DPP8: variants seen among roughly 807,000 people sequenced by gnomAD.
DPP8 encodes DPP VIII.
A neutral mutation model predicts 107.5 loss-of-function variants in DPP8; 31 were observed. The observed-to-expected ratio is 0.29, with a 90% CI of 0.22 to 0.39. DPP8 has a LOEUF of 0.39. DPP8 is among the 10% of genes least tolerant of loss of function. The probability of loss-of-function intolerance (pLI) is 1.00; values close to 1 mark genes in which losing one functional copy is unlikely to be tolerated. For synonymous variants in DPP8, 381 were observed against 356.6 expected (o/e 1.07, Z -0.77); for missense variants, 842 against 1,076.1 (o/e 0.78, Z 3.04).
In DPP8 at chr15:65,512,669, A is replaced by G. The variant is rs1381101716; in HGVS notation, c.-11-105T>C. ...AAGCGGGGGAGTGGGGAGGGCAAGA[A>G]AAAAATGCTTTTTAGCACAGCTGCA... On this transcript the variant is annotated intron_variant, in intron 1 of 19. Coordinates refer to ENST00000300141, the MANE Select transcript of DPP8 (RefSeq NM_130434.5). The G allele has an allele frequency of 4.0e-6, 5 of 1,255,812 alleles. No individual in the cohort carries two copies. The African/African-American group carries it at 7.5e-5, about 19-fold the overall frequency. 77.8% of individuals were successfully genotyped at this position (1,255,812 alleles called of 1,614,324 possible).
intron 3 of DPP8, among the ~76,000 whole-genome samples, chr15:65,504,117 C>G (rs1055796835): frequency 6.6e-6 from 1 of 151,758 alleles, no homozygotes; most frequent in African/African-American, 2.4e-5. Context: ...AATCCCAGCA[C>G]TCAGGGAGGC....
At chr15:65,510,583 G>A (rs998971292) in intron 2 of DPP8, among the ~76,000 whole-genome samples, 1 of 151,796 alleles carries the variant, frequency 6.6e-6, no homozygotes, top group African/African-American at 2.4e-5. Flanking sequence ...CTGTCATCCA[G>A]GCTGGAGTGC....
chr15:65,450,960 T>A (rs1355991519), intron 19 of DPP8, 39 bp downstream of exon 19: 1 of 1,235,726 alleles, frequency 8.1e-7, no homozygotes, highest in African/African-American at 1.5e-5. Flanking sequence ...CAATCACTAA[T>A]CATGACTGCA....
chr15:65,466,609 A>G, intron 14 of DPP8, 69 bp downstream of exon 14: 2 of 1,387,948 alleles, frequency 1.4e-6, no homozygotes, highest in South Asian at 2.4e-5. Context: ...ATGTGAAAAT[A>G]TGACACACGT....
Position 65,478,311 on chromosome 15 carries a change from T to A in DPP8, c.1456+569A>T, listed in dbSNP as rs1163226333. On this transcript the variant is annotated intron_variant, in intron 11 of 19. Transcript: ENST00000300141. ...GTTTTGCTCTGTTGCCAGACTGGAG[T>A]GTGGTGGCGTGATCTTGGCTCACTG... is the stretch of plus-strand genomic sequence containing the variant. Among the ~76,000 whole-genome samples the A allele has an allele frequency of 2.0e-5, 3 of 152,162 alleles. No individual in the cohort carries two copies. The East Asian group carries it at 5.8e-4, about 29-fold the overall frequency.
In DPP8 at chr15:65,476,075, G is replaced by C. The variant is rs2066360714; in HGVS notation, c.1457-1787C>G. On this transcript the variant is annotated intron_variant, in intron 11 of 19. Coordinates refer to ENST00000300141, the MANE Select transcript of DPP8 (RefSeq NM_130434.5). The stretch of plus-strand genomic sequence containing the variant: ...CACCCATTTGTTTTTATGAGCTTCT[G>C]TCTTGATGAGGCTCTCTCAGCGGCC... Among the ~76,000 whole-genome samples the C allele has an allele frequency of 2.0e-5, 3 of 152,258 alleles. No homozygotes were observed. The South Asian group carries it at 6.2e-4, about 32-fold the overall frequency.
At chr15:65,480,747 ACG>A (rs1491481233) in intron 9 of DPP8, among the ~76,000 whole-genome samples, 1 of 152,144 alleles carries the variant, frequency 6.6e-6, no homozygotes, top group Non-Finnish European at 1.5e-5. Flanking sequence ...ACAGTAAGCT[ACG>A]ATCATGCCAC....
At position 65,500,035 on chromosome 15, in the gene DPP8, A is replaced by G. The variant is rs529097853; in HGVS notation, c.546+571T>C. Among the ~76,000 whole-genome samples the G allele has an allele frequency of 2.1e-4, 32 of 152,242 alleles. 1 individual carries two copies. Among genetic ancestry groups the G allele is most frequent in the African/African-American group, 7.7e-4 (32 of 41,542 alleles). On this transcript the variant is annotated intron_variant, in intron 4 of 19. Transcript: ENST00000300141. ...CTCAGACTCCTGAGTATCTGGGATT[A>G]AAGGTGTGCACCACCATGCCCAGCT...
intron 12 of DPP8, among the ~76,000 whole-genome samples, chr15:65,471,906 A>C (rs1055236508): frequency 7.9e-5 from 12 of 152,158 alleles, no homozygotes; most frequent in African/African-American, 2.7e-4. Flanking sequence ...ATAATCCTTC[A>C]ATAAATCTTC....
At chr15:65,475,915 ATTTTT>A (rs377255923) in intron 11 of DPP8, among the ~76,000 whole-genome samples, 1 of 151,192 alleles carries the variant, frequency 6.6e-6, no homozygotes, top group South Asian at 2.1e-4. Flanking sequence ...CACTTGGTTA[ATTTTT>A]TTTTGTCTTT....
At chr15:65,466,622 A>G (rs2065379274) in intron 14 of DPP8, 56 bp downstream of exon 14, 1 of 1,457,372 alleles carries the variant, frequency 6.9e-7, no homozygotes, top group South Asian at 1.2e-5. Flanking sequence ...ACACACGTTT[A>G]GTGTACTAAT....
At chr15:65,448,732 CATAT>C (rs1389530522) in intron 19 of DPP8, among the ~76,000 whole-genome samples, 5 of 116,712 alleles carry the variant, frequency 4.3e-5, no homozygotes, top group Non-Finnish European at 8.6e-5. Flanking sequence ...ATAAAATATA[CATAT>C]ATATCTAAAA....
In DPP8 at chr15:65,497,807, A is replaced by T. The variant is rs1567259159; in HGVS notation, c.715+57T>A. The T allele has an allele frequency of 3.4e-5, 44 of 1,312,904 alleles. No homozygotes were observed. The South Asian group carries it at 9.9e-4, about 30-fold the overall frequency. The allele number at this position is 1,312,904 out of a possible 1,614,324, so 81.3% of individuals were successfully genotyped here. The stretch of plus-strand genomic sequence containing the variant: ...AATCTAATTTCAAAATGCAAGCAGC[A>T]AATTATACTTCAAAAAATACTGTTC... On this transcript the variant is annotated intron_variant, in intron 5 of 19. Coordinates refer to ENST00000300141, the MANE Select transcript of DPP8 (RefSeq NM_130434.5).
chr15:65,455,105 C>A (rs373768171), intron 16 of DPP8, among the ~76,000 whole-genome samples: 134 of 152,290 alleles, frequency 8.8e-4, no homozygotes, highest in African/African-American at 3.1e-3. Flanking sequence ...AAAAAATTAG[C>A]CCCTTAAGTA....
intron 4 of DPP8, among the ~76,000 whole-genome samples, chr15:65,499,102 T>TGTGC (rs2068912779): frequency 7.1e-6 from 1 of 140,596 alleles, no homozygotes; most frequent in African/African-American, 2.7e-5. Context: ...TGTGTGTGTG[T>TGTGC]GTGTATATAT....
intron 8 of DPP8, among the ~76,000 whole-genome samples, chr15:65,483,089 T>G (rs2067080727): frequency 6.6e-6 from 1 of 151,330 alleles, no homozygotes. Flanking sequence ...ACAGCAAGAC[T>G]CCATCTCAAA....
chr15:65,476,844 C>T (rs747939557), intron 11 of DPP8, among the ~76,000 whole-genome samples: 5 of 152,040 alleles, frequency 3.3e-5, no homozygotes, highest in African/African-American at 7.2e-5. Flanking sequence ...ATACATACAA[C>T]GAAACCTTAC....
In DPP8 at chr15:65,448,874, A is replaced by ATATGTGTG. The variant is rs1555444643; in HGVS notation, c.2527-1869_2527-1868insCACACATA. On this transcript the variant is annotated intron_variant, in intron 19 of 19. Transcript: ENST00000300141. ...ATACATATATATCTAAAATATATAT[A>ATATGTGTG]TATATATATATATATATATATATAT... Among the ~76,000 whole-genome samples the ATATGTGTG allele has an allele frequency of 2.7e-3, 33 of 12,024 alleles. 1 individual carries two copies. The highest frequency in any genetic ancestry group is 0.013 in the African/African-American group (30 of 2,224). The allele number at this position is 12,024 out of a possible 152,430, so 7.9% of individuals were successfully genotyped here.
chr15:65,490,181 C>T lies in DPP8; in HGVS notation c.826+8G>A. On this transcript the variant is annotated splice_region_variant and intron_variant, in intron 6 of 19. Coordinates refer to ENST00000300141, the MANE Select transcript of DPP8 (RefSeq NM_130434.5). The stretch of plus-strand genomic sequence containing the variant: ...TGACCCATAATATATTATTTTGAAC[C>T]CCCTTACTTGTTTCAGCTTTTGGAC... The T allele has an allele frequency of 7.2e-7, 1 of 1,391,686 alleles. No homozygotes were observed. Among genetic ancestry groups the T allele is most frequent in the Non-Finnish European group, 1.0e-6 (1 of 978,632 alleles). 86.2% of individuals were successfully genotyped at this position (1,391,686 alleles called of 1,614,324 possible).
Sources: allele counts gnomAD v4.1 joint callset (sites outside exome capture counted in the v4.1 genomes callset), GRCh38; gene constraint gnomAD v4.1.1; transcripts MANE v1.5; gene names NCBI Gene and HGNC (gene_info 2026-07-23, HGNC 2026-07-21).